KCNQ5: variants seen among roughly 807,000 people sequenced by gnomAD.
The protein encoded by KCNQ5 is potassium voltage-gated channel subfamily Q member 5, also known as potassium voltage-gated channel subfamily KQT member 5.
A neutral mutation model predicts 98.2 loss-of-function variants in KCNQ5; 30 were observed. That is an observed-to-expected ratio of 0.31 (90% CI 0.23 to 0.41). KCNQ5 has a LOEUF of 0.41. Ranked by LOEUF, KCNQ5 falls within the 10% of genes least tolerant of loss-of-function variation. The pLI, the probability that KCNQ5 is intolerant of heterozygous loss-of-function variation, is 1.00. For synonymous variants in KCNQ5, 458 were observed against 449.4 expected, an observed-to-expected ratio of 1.02 and a Z score of -0.24; for missense variants, 835 against 1,182.5, an observed-to-expected ratio of 0.71 and a Z score of 4.31.
intron 3 of KCNQ5, among the ~76,000 whole-genome samples, chr6:73,054,599 A>G (rs1257316777): frequency 6.6e-6 from 1 of 152,222 alleles, no homozygotes; most frequent in Non-Finnish European, 1.5e-5. Context: ...AAACCACATG[A>G]TCATCTCAAT....
In KCNQ5 at chr6:72,982,487, C is replaced by CTTTTTTTT. The variant is rs141947372; in HGVS notation, c.399-21406_399-21399dup. On this transcript the variant is annotated intron_variant, in intron 1 of 13. Transcript: ENST00000370398. ...TCAGAGACTAGGATTGCAACCCCTG[C>CTTTTTTTT]TTTTTTTTTTTTTTTTTTTTTTGCT... Among the ~76,000 whole-genome samples the CTTTTTTTT allele has an allele frequency of 5.7e-3, 344 of 60,300 alleles. 3 individuals carry two copies. Among genetic ancestry groups the CTTTTTTTT allele is most frequent in the Non-Finnish European group, 8.0e-3 (282 of 35,054 alleles). 39.6% of individuals were successfully genotyped at this position (60,300 alleles called of 152,430 possible). A position where few individuals can be genotyped will look rare whatever the true frequency, so the allele number is the denominator to read the frequency against.
chr6:73,129,912 C>G, intron 9 of KCNQ5: 1 of 1,284,764 alleles, frequency 7.8e-7, no homozygotes, highest in South Asian at 1.2e-5. Flanking sequence ...AGGTGCATGA[C>G]CAGGTTACAC....
At chr6:73,079,405 G>C (rs910572607) in intron 5 of KCNQ5, among the ~76,000 whole-genome samples, 27 of 152,108 alleles carry the variant, frequency 1.8e-4, no homozygotes, top group African/African-American at 5.6e-4. Context: ...TTATTTGTTT[G>C]TTTAGTGAAG....
intron 1 of KCNQ5, among the ~76,000 whole-genome samples, chr6:72,751,530 A>G (rs1195357545): frequency 1.3e-5 from 2 of 152,124 alleles, no homozygotes; most frequent in Non-Finnish European, 2.9e-5. Flanking sequence ...AAAATCATCA[A>G]ATACTTTGAA....
At chr6:72,939,487 C>T (rs1000444506) in intron 1 of KCNQ5, among the ~76,000 whole-genome samples, 4 of 152,232 alleles carry the variant, frequency 2.6e-5, no homozygotes, top group African/African-American at 9.6e-5. Flanking sequence ...TAGTTTAAAT[C>T]CTAAGCCTCC....
At chr6:72,755,718 G>A (rs373071452) in intron 1 of KCNQ5, among the ~76,000 whole-genome samples, 5 of 151,874 alleles carry the variant, frequency 3.3e-5, no homozygotes, top group South Asian at 4.2e-4. Flanking sequence ...TGATTTAGAC[G>A]GTCAATTATC....
At position 72,829,503 on chromosome 6, in the gene KCNQ5, C is replaced by T. The variant is rs2150122015; in HGVS notation, c.399-174405C>T. On this transcript the variant is annotated intron_variant, in intron 1 of 13. Transcript: ENST00000370398. ...TTACCATGGTATTAAAGGTCTCTCTCTCTGTCTCTCTCAATTCTTTCATTC... is the reference window on the plus strand; with the variant it reads ...TTACCATGGTATTAAAGGTCTCTCTTTCTGTCTCTCTCAATTCTTTCATTC... 4.6e-5 allele frequency among the ~76,000 whole-genome samples: 7 copies of T among 152,290 alleles called. 1 individual carries two copies. In the South Asian group the frequency reaches 1.4e-3, roughly 32 times the overall value.
intron 1 of KCNQ5, among the ~76,000 whole-genome samples, chr6:72,775,351 A>G (rs1308043666): frequency 6.6e-6 from 1 of 152,142 alleles, no homozygotes; most frequent in Non-Finnish European, 1.5e-5. Context: ...TTCTCCTTTT[A>G]TTTCTATTTA....
intron 1 of KCNQ5, among the ~76,000 whole-genome samples, chr6:72,858,604 C>T (rs1306758861): frequency 3.3e-5 from 5 of 151,750 alleles, no homozygotes; most frequent in South Asian, 2.1e-4. Flanking sequence ...CAGTTTAGTA[C>T]ATTTTTTCTT....
intron 1 of KCNQ5, among the ~76,000 whole-genome samples, chr6:72,998,654 G>A (rs894308277): frequency 7.3e-5 from 11 of 151,706 alleles, no homozygotes; most frequent in East Asian, 1.9e-4. Context: ...GGAGAATGGC[G>A]TGAACCCGGG....
chr6:72,841,480 G>A, intron 1 of KCNQ5, among the ~76,000 whole-genome samples: 1 of 151,948 alleles, frequency 6.6e-6, no homozygotes, highest in Non-Finnish European at 1.5e-5. Context: ...AACTGGAGTG[G>A]ATAATTTAGA....
In KCNQ5 at chr6:72,651,895, C is replaced by T. The variant is rs540942756; in HGVS notation, c.398+29308C>T. Among the ~76,000 whole-genome samples the T allele has an allele frequency of 5.4e-4, 82 of 152,058 alleles. 1 individual carries two copies. Among genetic ancestry groups the T allele is most frequent in the African/African-American group, 1.9e-3 (78 of 41,522 alleles). The stretch of plus-strand genomic sequence containing the variant: ...CCCATTAAATTTTATAACACAATAA[C>T]ACTTTTAAAACTTATACTCAAAAAG... On this transcript the variant is annotated intron_variant, in intron 1 of 13. Transcript: ENST00000370398.
intron 10 of KCNQ5, among the ~76,000 whole-genome samples, chr6:73,150,832 A>AGG (rs1554215775): frequency 1.4e-5 from 2 of 148,112 alleles, no homozygotes; most frequent in Non-Finnish European, 3.0e-5. Context: ...ATATATATAT[A>AGG]TGTGTGTGTG....
chr6:73,068,168 T>C (rs1038745051), intron 3 of KCNQ5, among the ~76,000 whole-genome samples: 3 of 151,962 alleles, frequency 2.0e-5, no homozygotes, highest in Non-Finnish European at 4.4e-5. Flanking sequence ...TGGTGGCGGG[T>C]GCCTGTAATC....
At chr6:72,638,524 G>T (rs771624284) in intron 1 of KCNQ5, among the ~76,000 whole-genome samples, 2 of 152,110 alleles carry the variant, frequency 1.3e-5, no homozygotes, top group Non-Finnish European at 2.9e-5. Flanking sequence ...CCATCACGTT[G>T]TACTGGAGAA....
intron 1 of KCNQ5, among the ~76,000 whole-genome samples, chr6:72,940,896 C>A (rs898764978): frequency 3.9e-5 from 6 of 151,970 alleles, no homozygotes; most frequent in African/African-American, 1.5e-4. Context: ...CATATGATAA[C>A]CTGCGTTAAT....
intron 1 of KCNQ5, among the ~76,000 whole-genome samples, chr6:72,631,073 G>T (rs1302476088): frequency 1.3e-5 from 2 of 152,216 alleles, no homozygotes; most frequent in African/African-American, 4.8e-5. Flanking sequence ...ATGATTGAAT[G>T]TGGAAGATTA....
chr6:73,001,968 A>T (rs9446813), intron 1 of KCNQ5, among the ~76,000 whole-genome samples: 8,085 of 148,872 alleles, frequency 0.054, 732 homozygotes, highest in African/African-American at 0.19. Context: ...AAAAATTTTA[A>T]AAAAAATTAG....
chr6:73,121,289 C>G (rs1004514232), intron 8 of KCNQ5, among the ~76,000 whole-genome samples: 2 of 151,022 alleles, frequency 1.3e-5, no homozygotes, highest in Non-Finnish European at 2.9e-5. Flanking sequence ...AGGCAAGAAC[C>G]AAGGACATTA....
Sources: allele counts gnomAD v4.1 joint callset (sites outside exome capture counted in the v4.1 genomes callset), GRCh38; gene constraint gnomAD v4.1.1; transcripts MANE v1.5; gene names NCBI Gene and HGNC (gene_info 2026-07-23, HGNC 2026-07-21).